Variants in ZNF710 observed in about 807,000 individuals in gnomAD.
ZNF710 encodes the protein zinc finger protein 710.
Under a neutral mutation model 50.6 loss-of-function variants are expected in ZNF710, and 13 were observed. That is an observed-to-expected ratio of 0.26 (90% CI 0.17 to 0.41). ZNF710 has a LOEUF of 0.41. Among genes scored for constraint, ZNF710 ranks in the 10% least tolerant of loss-of-function variants. The pLI is 1.00. For missense variants in ZNF710, 721 were observed against 936.6 expected, an observed-to-expected ratio of 0.77 and a Z score of 3.01; for synonymous variants, 383 against 397.0, an observed-to-expected ratio of 0.96 and a Z score of 0.42.
chr15:90,019,965 TG>T (rs1898566258), intron 1 of ZNF710, among the ~76,000 whole-genome samples: 1 of 151,904 alleles, frequency 6.6e-6, no homozygotes, highest in African/African-American at 2.4e-5. Flanking sequence ...GGGCGGTGAG[TG>T]GGGGAGCCGA....
At chr15:90,017,431 G>A (rs992404337) in intron 1 of ZNF710, among the ~76,000 whole-genome samples, 2 of 152,120 alleles carry the variant, frequency 1.3e-5, no homozygotes, top group Admixed American at 6.6e-5. Flanking sequence ...GTCTTTAAGA[G>A]ATACAAAATC....
intron 1 of ZNF710, among the ~76,000 whole-genome samples, chr15:90,064,423 A>G (rs925936390): frequency 6.6e-6 from 1 of 152,236 alleles, no homozygotes; most frequent in Non-Finnish European, 1.5e-5. Context: ...GAATGGAAAC[A>G]TCTCTTGGCT....
At chr15:90,030,701 G>A (rs893542100) in intron 1 of ZNF710, among the ~76,000 whole-genome samples, 27 of 151,834 alleles carry the variant, frequency 1.8e-4, no homozygotes, top group African/African-American at 3.6e-4. Context: ...CTGTGCTGCA[G>A]AGAGGGTCAT....
intron 1 of ZNF710, among the ~76,000 whole-genome samples, chr15:90,030,719 T>TAA (rs879389817): frequency 7.0e-6 from 1 of 143,156 alleles, no homozygotes; most frequent in Non-Finnish European, 1.5e-5. Context: ...CATTTCAAAT[T>TAA]AAAAAAAAAA....
chr15:90,074,850 G>T, intron 4 of ZNF710: 1 of 285,262 alleles, frequency 3.5e-6, no homozygotes, highest in South Asian at 3.1e-5. Context: ...ATGCAGAGGG[G>T]AGATCTGAGC....
chr15:90,031,215 T>C (rs1453803000), intron 1 of ZNF710, among the ~76,000 whole-genome samples: 1 of 152,048 alleles, frequency 6.6e-6, no homozygotes, highest in Non-Finnish European at 1.5e-5. Context: ...TAGTTGTGAG[T>C]TTAATCCAAC....
At chr15:90,047,652 T>G (rs1899509712) in intron 1 of ZNF710, among the ~76,000 whole-genome samples, 2 of 151,356 alleles carry the variant, frequency 1.3e-5, no homozygotes, top group South Asian at 4.2e-4. Context: ...TGGTGCGATC[T>G]CAGCTCACCG....
At chr15:90,029,707 C>T (rs144995596) in intron 1 of ZNF710, among the ~76,000 whole-genome samples, 3,624 of 152,152 alleles carry the variant, frequency 0.024, 69 homozygotes, top group Middle Eastern at 0.051. Flanking sequence ...CCTCCACCTC[C>T]GGGTTCCAGT....
At position 90,018,873 on chromosome 15, in the gene ZNF710, T is replaced by A. The variant is rs369522139; in HGVS notation, c.-29+17259T>A. On this transcript the variant is annotated intron_variant, in intron 1 of 4. Coordinates refer to ENST00000268154, the MANE Select transcript of ZNF710 (RefSeq NM_198526.4). The stretch of plus-strand genomic sequence containing the variant: ...TATTCTTAGGTGGATTTAAGATGTC[T>A]CTGTCTAGTGGTTTTTTGTTTGTTT... Among the ~76,000 whole-genome samples the A allele has an allele frequency of 6.7e-4, 95 of 140,742 alleles. 1 individual carries two copies. The highest frequency in any genetic ancestry group is 1.1e-3 in the South Asian group (5 of 4,436). 92.3% of individuals were successfully genotyped at this position (140,742 alleles called of 152,430 possible).
chr15:90,011,962 T>C (rs1898316692), intron 1 of ZNF710, among the ~76,000 whole-genome samples: 1 of 152,194 alleles, frequency 6.6e-6, no homozygotes, highest in South Asian at 2.1e-4. Context: ...ACCCCAGCAC[T>C]TTGGGAGGCT....
chr15:90,052,746 C>A (rs949135793), intron 1 of ZNF710, among the ~76,000 whole-genome samples: 1 of 152,204 alleles, frequency 6.6e-6, no homozygotes, highest in African/African-American at 2.4e-5. Flanking sequence ...GCCTGGCCAA[C>A]ATGGTGAAAC....
Position 90,018,584 on chromosome 15 carries a change from C to T in ZNF710, c.-29+16970C>T, listed in dbSNP as rs180835706. On this transcript the variant is annotated intron_variant, in intron 1 of 4. Coordinates refer to ENST00000268154, the MANE Select transcript of ZNF710 (RefSeq NM_198526.4). ...TCTTTGAATTCACTGTCTAAAGAAA[C>T]GGCCATTGCCCTTTCCGTAAACCAG... Among the ~76,000 whole-genome samples, 12 of 152,278 alleles carry T rather than the reference C, an allele frequency of 7.9e-5. No homozygotes were observed. The East Asian group carries it at 1.5e-3, about 20-fold the overall frequency.
At chr15:90,013,731 A>G (rs887005450) in intron 1 of ZNF710, among the ~76,000 whole-genome samples, 3 of 152,100 alleles carry the variant, frequency 2.0e-5, no homozygotes, top group South Asian at 2.1e-4. Flanking sequence ...TTGTCGCTAT[A>G]TTGCCAAATG....
chr15:90,007,492 G>A (rs1008673942), intron 1 of ZNF710, among the ~76,000 whole-genome samples: 2 of 152,042 alleles, frequency 1.3e-5, no homozygotes, highest in African/African-American at 2.4e-5. Flanking sequence ...AAGAGGAGCC[G>A]TAGCTTTCAC....
chr15:90,035,496 C>T (rs1451848403), intron 1 of ZNF710, among the ~76,000 whole-genome samples: 2 of 152,254 alleles, frequency 1.3e-5, no homozygotes, highest in South Asian at 2.1e-4. Flanking sequence ...TCAGCACCAT[C>T]GTGCTTCTTA....
chr15:90,061,623 G>A (rs959927393), intron 1 of ZNF710, among the ~76,000 whole-genome samples: 3 of 152,298 alleles, frequency 2.0e-5, no homozygotes, highest in African/African-American at 7.2e-5. Context: ...CCTGAGATCT[G>A]TGTCCCAAGG....
chr15:90,051,789 C>G (rs1321192656), intron 1 of ZNF710, among the ~76,000 whole-genome samples: 3 of 152,166 alleles, frequency 2.0e-5, no homozygotes, highest in Non-Finnish European at 2.9e-5. Context: ...TGTCAAGATT[C>G]TGTGCTGTAT....
At chr15:90,019,987 T>G (rs115181916) in intron 1 of ZNF710, among the ~76,000 whole-genome samples, 1 of 152,126 alleles carries the variant, frequency 6.6e-6, no homozygotes, top group Non-Finnish European at 1.5e-5. Context: ...GGATTTCCTG[T>G]GGAGGCCTCA....
At chr15:90,002,213 C>A (rs2151452806) in intron 1 of ZNF710, among the ~76,000 whole-genome samples, 1 of 151,244 alleles carries the variant, frequency 6.6e-6, no homozygotes, top group Admixed American at 6.6e-5. Context: ...GGTTGTTGCG[C>A]GTCCCAGCCG....
Sources: gnomAD v4.1 joint callset for allele counts (sites outside exome capture counted in the v4.1 genomes callset) on GRCh38, gnomAD v4.1.1 for gene constraint, MANE v1.5 for transcripts, NCBI Gene and HGNC (gene_info 2026-07-23, HGNC 2026-07-21) for gene names.